NCOA2: variants seen among roughly 807,000 people sequenced by gnomAD.
The protein encoded by NCOA2 is nuclear receptor coactivator 2, also known as class E basic helix-loop-helix protein 75.
Under a neutral mutation model 145.1 loss-of-function variants are expected in NCOA2, and 21 were observed. The observed-to-expected ratio is 0.14, with a 90% confidence interval of 0.10 to 0.21. NCOA2 has a LOEUF of 0.21. Ranked by LOEUF, NCOA2 falls within the 10% of genes least tolerant of loss-of-function variation. The pLI, the probability that NCOA2 is intolerant of heterozygous loss-of-function variation, is 1.00. For missense variants in NCOA2, 1,472 were observed against 1,837.6 expected (o/e 0.80, Z 3.64); for synonymous variants, 619 against 637.5 (o/e 0.97, Z 0.44).
At chr8:70,419,649 A>G in the NCOA2 span, among the ~76,000 whole-genome samples, 7 of 151,520 alleles carry the variant, frequency 4.6e-5, no homozygotes, top group African/African-American at 1.7e-4. Context: ...TTTATTGCTT[A>G]CTTGCTTTTC....
At chr8:70,122,046 C>T (rs527249993) in intron 21 of NCOA2, among the ~76,000 whole-genome samples, 46 of 152,130 alleles carry the variant, frequency 3.0e-4, no homozygotes, top group Admixed American at 6.5e-4. Flanking sequence ...GTTAAAAATA[C>T]ATCAAATAAA....
At chr8:70,176,792 G>A (rs911613013) in intron 4 of NCOA2, among the ~76,000 whole-genome samples, 1 of 152,094 alleles carries the variant, frequency 6.6e-6, no homozygotes, top group African/African-American at 2.4e-5. Context: ...TGCTACAGTA[G>A]CTATGCTGGA....
chr8:70,128,531 TGAATACATTTTAAGAACA>T (rs750027794), intron 17 of NCOA2, 21 bp from the exon 18 acceptor site: 4 of 1,607,232 alleles, frequency 2.5e-6, no homozygotes, highest in Non-Finnish European at 3.4e-6. Context: ...ACAAACAGGA[TGAATACATTTTAAGAACA>T]GAATACATTT....
chr8:70,355,455 A>G (rs977898621), intron 1 of NCOA2, among the ~76,000 whole-genome samples: 28 of 152,366 alleles, frequency 1.8e-4, no homozygotes, highest in Middle Eastern at 3.4e-3. Flanking sequence ...GGGGGTGAGA[A>G]CTATCCTCAG....
At chr8:70,447,457 T>C in the NCOA2 span, among the ~76,000 whole-genome samples, 2 of 152,178 alleles carry the variant, frequency 1.3e-5, no homozygotes. Flanking sequence ...AGTCAAATAA[T>C]GGCGGCCACA....
chr8:70,252,450 G>A (rs942886148), intron 2 of NCOA2, among the ~76,000 whole-genome samples: 4 of 152,052 alleles, frequency 2.6e-5, no homozygotes, highest in Admixed American at 2.6e-4. Context: ...TAGAGGGAAT[G>A]GAACTTTCAG....
chr8:70,418,567 C>T, the NCOA2 span, among the ~76,000 whole-genome samples: 1 of 152,204 alleles, frequency 6.6e-6, no homozygotes, highest in African/African-American at 2.4e-5. Flanking sequence ...AGTCTGCCAG[C>T]AGCAGAGACC....
chr8:70,274,932 T>C (rs1825361160), intron 2 of NCOA2, among the ~76,000 whole-genome samples: 1 of 152,128 alleles, frequency 6.6e-6, no homozygotes, highest in Admixed American at 6.6e-5. Flanking sequence ...AGGCATCATC[T>C]CCCGTAATTA....
At chr8:70,446,032 T>C in the NCOA2 span, among the ~76,000 whole-genome samples, 2 of 146,596 alleles carry the variant, frequency 1.4e-5, no homozygotes, top group African/African-American at 2.5e-5. Flanking sequence ...AACTTACTTG[T>C]AATTCTACTT....
chr8:70,251,066 T>C (rs1267580097), intron 2 of NCOA2, among the ~76,000 whole-genome samples: 1 of 152,212 alleles, frequency 6.6e-6, no homozygotes, highest in African/African-American at 2.4e-5. Context: ...TCTGACCTCC[T>C]TCCTCAGGTG....
At chr8:70,135,391 A>G (rs894879536) in intron 15 of NCOA2, among the ~76,000 whole-genome samples, 8 of 152,204 alleles carry the variant, frequency 5.3e-5, no homozygotes, top group African/African-American at 1.9e-4. Flanking sequence ...TTTTTGGCCC[A>G]GTGCTTGAAC....
At chr8:70,200,110 A>G (rs993295276) in intron 4 of NCOA2, among the ~76,000 whole-genome samples, 1 of 152,194 alleles carries the variant, frequency 6.6e-6, no homozygotes. Context: ...CAGATGATTT[A>G]AAGTAAACAG....
chr8:70,125,219 A>G lies in NCOA2; in HGVS notation c.3917-354T>C, dbSNP rs1266825648. Among the ~76,000 whole-genome samples the G allele has an allele frequency of 2.0e-5, 3 of 152,266 alleles. No individual in the cohort carries two copies. The East Asian group carries it at 5.8e-4, about 29-fold the overall frequency. ...AAGAAATATATATATATATACACAT[A>G]TAAAATCTCAAAGTATCACTGCAAT... On this transcript the variant is annotated intron_variant, in intron 19 of 22. Transcript: ENST00000452400.
intron 4 of NCOA2, among the ~76,000 whole-genome samples, chr8:70,195,103 C>T (rs575390360): frequency 3.5e-4 from 53 of 152,208 alleles, no homozygotes; most frequent in African/African-American, 1.1e-3. Context: ...AATGAGATGA[C>T]GTATGAAAGA....
At chr8:70,174,101 A>G (rs1291477582) in intron 5 of NCOA2, among the ~76,000 whole-genome samples, 1 of 152,038 alleles carries the variant, frequency 6.6e-6, no homozygotes, top group African/African-American at 2.4e-5. Context: ...ACCATAACCT[A>G]CATCTTGAAT....
chr8:70,208,975 A>G (rs1818747286), intron 4 of NCOA2, among the ~76,000 whole-genome samples: 1 of 152,250 alleles, frequency 6.6e-6, no homozygotes, highest in Non-Finnish European at 1.5e-5. Flanking sequence ...TATCTGCCAC[A>G]GGCAGTGATT....
upstream of NCOA2, among the ~76,000 whole-genome samples, chr8:70,407,681 C>T (rs1814804242): frequency 6.6e-6 from 1 of 151,862 alleles, no homozygotes; most frequent in Admixed American, 6.6e-5. Context: ...CCTGTAGTCC[C>T]AGCTACTTGG....
At chr8:70,140,245 GGAGTCACTCCCTACTTCCTACCT>G (rs1365053546) in intron 14 of NCOA2, among the ~76,000 whole-genome samples, 2 of 152,136 alleles carry the variant, frequency 1.3e-5, no homozygotes, top group African/African-American at 4.8e-5. Flanking sequence ...TTACTCATTA[GGAGTCACTCCCTACTTCCTACCT>G]GAGCCCCTCC....
At chr8:70,261,689 T>C (rs963478438) in intron 2 of NCOA2, among the ~76,000 whole-genome samples, 24 of 152,002 alleles carry the variant, frequency 1.6e-4, no homozygotes, top group African/African-American at 5.1e-4. Flanking sequence ...AAAAAGGGAA[T>C]AATCACAATA....
Sources: gnomAD v4.1 joint callset for allele counts (sites outside exome capture counted in the v4.1 genomes callset) on GRCh38, gnomAD v4.1.1 for gene constraint, MANE v1.5 for transcripts, NCBI Gene and HGNC (gene_info 2026-07-23, HGNC 2026-07-21) for gene names.